The following PLCG2 variants were observed in gnomAD, a reference collection of about 807,000 sequenced individuals.
The protein encoded by PLCG2 is 1-phosphatidylinositol 4,5-bisphosphate phosphodiesterase gamma-2.
A neutral mutation model predicts 175.6 loss-of-function variants in PLCG2; 69 were observed. That is an observed-to-expected ratio of 0.39 (90% CI 0.32 to 0.48). PLCG2 has a LOEUF of 0.48. Ranked by LOEUF, PLCG2 falls within the 20% of genes least tolerant of loss-of-function variation. The pLI, the probability that PLCG2 is intolerant of heterozygous loss-of-function variation, is 0.91. For synonymous variants in PLCG2, 827 were observed against 624.0 expected (o/e 1.33, Z -4.85); for missense variants, 1,798 against 1,650.9 (o/e 1.09, Z -1.54).
At chr16:81,769,374 G>T (rs1910222917) in intron 2 of PLCG2, among the ~76,000 whole-genome samples, 1 of 152,146 alleles carries the variant, frequency 6.6e-6, no homozygotes, top group Non-Finnish European at 1.5e-5. Flanking sequence ...TGATAGCGGC[G>T]GGCGGCAGTT....
chr16:81,756,844 C>G (rs779663716), intron 2 of PLCG2, among the ~76,000 whole-genome samples: 1 of 152,190 alleles, frequency 6.6e-6, no homozygotes, highest in African/African-American at 2.4e-5. Flanking sequence ...GCTTCTTCAG[C>G]AGTTTGTTCC....
chr16:81,915,233 G>A (rs1277269788), intron 19 of PLCG2, among the ~76,000 whole-genome samples: 1 of 152,176 alleles, frequency 6.6e-6, no homozygotes, highest in Non-Finnish European at 1.5e-5. Flanking sequence ...GGGAACACAG[G>A]TCTGCAGCAA....
intron 14 of PLCG2, among the ~76,000 whole-genome samples, chr16:81,902,857 A>G (rs1857078420): frequency 1.3e-5 from 2 of 152,164 alleles, no homozygotes; most frequent in Non-Finnish European, 2.9e-5. Context: ...GTCACATCTT[A>G]CATGGTGGCA....
At chr16:81,939,425 A>C (rs751731908) in intron 29 of PLCG2, among the ~76,000 whole-genome samples, 1 of 152,186 alleles carries the variant, frequency 6.6e-6, no homozygotes, top group African/African-American at 2.4e-5. Context: ...AAGTAGCCCA[A>C]TGAACAACTC....
At chr16:81,786,839 G>C (rs1910993679) in intron 2 of PLCG2, among the ~76,000 whole-genome samples, 1 of 152,196 alleles carries the variant, frequency 6.6e-6, no homozygotes, top group Non-Finnish European at 1.5e-5. Context: ...AAATTAACTA[G>C]TTTTTAATTG....
Position 81,918,166 on chromosome 16 carries a change from A to T in PLCG2, c.2055-1318A>T, listed in dbSNP as rs1909920582. 2.0e-5 allele frequency among the ~76,000 whole-genome samples: 3 copies of T among 152,050 alleles called. No homozygotes were observed. The South Asian group carries it at 6.2e-4, about 32-fold the overall frequency. On this transcript the variant is annotated intron_variant, in intron 19 of 32. Coordinates refer to ENST00000564138, the MANE Select transcript of PLCG2 (RefSeq NM_002661.5). Reference sequence around the variant, plus strand: ...TGTAGGTTGTTTATTTACTCTGTTGATTCTTTCCTTGGCTATGTAGAAGCC... The same window carrying T: ...TGTAGGTTGTTTATTTACTCTGTTGTTTCTTTCCTTGGCTATGTAGAAGCC...
At chr16:81,886,703 A>G (rs1908383833) in intron 9 of PLCG2, among the ~76,000 whole-genome samples, 1 of 152,006 alleles carries the variant, frequency 6.6e-6, no homozygotes, top group Non-Finnish European at 1.5e-5. Flanking sequence ...GGGACCACTT[A>G]CTTAATGACT....
intron 8 of PLCG2, among the ~76,000 whole-genome samples, chr16:81,882,293 G>T (rs1908122336): frequency 6.6e-6 from 1 of 152,142 alleles, no homozygotes; most frequent in Non-Finnish European, 1.5e-5. Flanking sequence ...CCTTTATTCG[G>T]AGTGTAGTGT....
intron 2 of PLCG2, among the ~76,000 whole-genome samples, chr16:81,768,021 C>T (rs994945792): frequency 2.0e-5 from 3 of 152,186 alleles, no homozygotes; most frequent in Admixed American, 6.5e-5. Context: ...TCCTGAGTAG[C>T]TGGGATTACA....
At chr16:81,803,595 TC>T (rs1911849001) in intron 2 of PLCG2, among the ~76,000 whole-genome samples, 1 of 123,374 alleles carries the variant, frequency 8.1e-6, no homozygotes, top group Non-Finnish European at 1.8e-5. Flanking sequence ...TCTTTTCTTT[TC>T]TCCTTTTCTT....
At chr16:81,928,830 C>T (rs376809876) in intron 24 of PLCG2, 2 of 492,766 alleles carry the variant, frequency 4.1e-6, no homozygotes, top group South Asian at 4.2e-5. Context: ...ACTGTAAGTG[C>T]TAAAACAAGG....
chr16:81,777,375 A>T (rs924097730), upstream of PLCG2, among the ~76,000 whole-genome samples: 5 of 151,902 alleles, frequency 3.3e-5, no homozygotes, highest in Admixed American at 1.3e-4. Flanking sequence ...TGTACTTTAT[A>T]TAACACATAC....
chr16:81,888,621 C>A (rs760270422), intron 9 of PLCG2, among the ~76,000 whole-genome samples: 28 of 152,124 alleles, frequency 1.8e-4, no homozygotes, highest in Non-Finnish European at 2.6e-4. Flanking sequence ...TACTCTTATT[C>A]CCACTTCATG....
intron 2 of PLCG2, among the ~76,000 whole-genome samples, chr16:81,847,659 C>T (rs1198677670): frequency 1.3e-5 from 2 of 151,992 alleles, no homozygotes; most frequent in African/African-American, 2.4e-5. Flanking sequence ...AAGCTATGGT[C>T]GATTGAAAAT....
chr16:81,756,297 A>G (rs1597304158), intron 2 of PLCG2, among the ~76,000 whole-genome samples: 1 of 152,216 alleles, frequency 6.6e-6, no homozygotes, highest in East Asian at 1.9e-4. Context: ...GTATGCTGCT[A>G]TGCCGGGCTA....
intron 28 of PLCG2, 55 bp from the exon 29 acceptor site, chr16:81,938,746 A>C (rs1393771166): frequency 3.9e-6 from 4 of 1,032,420 alleles, no homozygotes; most frequent in Non-Finnish European, 6.0e-6. Flanking sequence ...AATCCACGCT[A>C]GGCTGCCTGT....
chr16:81,858,233 C>A, intron 3 of PLCG2, 30 bp from the exon 4 acceptor site: 1 of 1,464,968 alleles, frequency 6.8e-7, no homozygotes, highest in Non-Finnish European at 9.6e-7. Context: ...GGAATTAACA[C>A]AGCATTTCTG....
intron 2 of PLCG2, among the ~76,000 whole-genome samples, chr16:81,851,299 A>G (rs913533174): frequency 6.6e-6 from 1 of 152,252 alleles, no homozygotes; most frequent in East Asian, 1.9e-4. Context: ...AAACCTGGAC[A>G]TGGTCGCTGG....
At chr16:81,908,903 C>T (rs1016532278) in intron 17 of PLCG2, among the ~76,000 whole-genome samples, 1 of 152,218 alleles carries the variant, frequency 6.6e-6, no homozygotes, top group South Asian at 2.1e-4. Flanking sequence ...ATGATGTGGT[C>T]TCACTCACTT....
Sources: allele counts gnomAD v4.1 joint callset (sites outside exome capture counted in the v4.1 genomes callset), GRCh38; gene constraint gnomAD v4.1.1; transcripts MANE v1.5; gene names NCBI Gene and HGNC (gene_info 2026-07-23, HGNC 2026-07-21).